The following MEOX2 variants were observed in gnomAD, a reference collection of about 807,000 sequenced individuals.
MEOX2 encodes homeobox protein MOX-2.
In MEOX2, 11 loss-of-function variants were observed where a neutral mutation model predicts 27.0. That is an observed-to-expected ratio of 0.41 (90% CI 0.26 to 0.68). MEOX2 has a LOEUF of 0.68. Ranked by LOEUF, MEOX2 falls within the 30% of genes least tolerant of loss-of-function variation. The pLI, the probability that MEOX2 is intolerant of heterozygous loss-of-function variation, is 0.33. For synonymous variants in MEOX2, 189 were observed against 155.4 expected, an observed-to-expected ratio of 1.22 and a Z score of -1.61; for missense variants, 436 against 385.4, an observed-to-expected ratio of 1.13 and a Z score of -1.10.
chr7:15,663,389 G>T (rs1420494035), intron 1 of MEOX2, among the ~76,000 whole-genome samples: 1 of 151,146 alleles, frequency 6.6e-6, no homozygotes, highest in African/African-American at 2.4e-5. Context: ...CTGGAACGCA[G>T]TGGCACGATC....
intron 2 of MEOX2, among the ~76,000 whole-genome samples, chr7:15,616,622 A>T (rs111706595): frequency 6.6e-6 from 1 of 151,932 alleles, no homozygotes; most frequent in Non-Finnish European, 1.5e-5. Flanking sequence ...AGACAGCTAA[A>T]TTATCATCAT....
chr7:15,663,231 A>G (rs894278505), intron 1 of MEOX2, among the ~76,000 whole-genome samples: 3 of 152,202 alleles, frequency 2.0e-5, no homozygotes, highest in Admixed American at 1.3e-4. Flanking sequence ...TAAATTCATT[A>G]TTGAAAATTA....
Position 15,612,464 on chromosome 7 carries a change from G to T in MEOX2, c.838C>A (p.Leu280Ile). ...SELSGIGAAT[L>I]QQTGDSIANE... Reference sequence around the variant, plus strand: ...GCTATAGAGTCCCCTGTTTGCTGGAGGGTGGCTGCACCAATTCCCGACAGC... The same window carrying T: ...GCTATAGAGTCCCCTGTTTGCTGGATGGTGGCTGCACCAATTCCCGACAGC... The change falls in exon 3 of 3, where the codon CTC becomes ATC. Residue 280 changes from leucine (L) to isoleucine (I), a missense_variant. Transcript: ENST00000262041. 1 of 1,614,128 alleles carries T rather than the reference G, an allele frequency of 6.2e-7. No individual in the cohort carries two copies. The highest frequency in any genetic ancestry group is 8.5e-7 in the Non-Finnish European group (1 of 1,180,026).
intron 1 of MEOX2, among the ~76,000 whole-genome samples, chr7:15,627,828 T>A (rs1041801052): frequency 1.7e-4 from 4 of 23,836 alleles, no homozygotes; most frequent in African/African-American, 6.3e-4. Context: ...CACACACACG[T>A]CAAGTAAAAA....
intron 2 of MEOX2, among the ~76,000 whole-genome samples, chr7:15,615,619 C>T (rs1781111330): frequency 6.6e-6 from 1 of 152,012 alleles, no homozygotes; most frequent in Admixed American, 6.6e-5. Context: ...ATCTATTCCA[C>T]ATGAGTTGGG....
intron 1 of MEOX2, among the ~76,000 whole-genome samples, chr7:15,641,209 G>C (rs1001620935): frequency 3.9e-5 from 6 of 151,988 alleles, no homozygotes; most frequent in African/African-American, 1.5e-4. Flanking sequence ...CTCATTATTT[G>C]TCTGTTCAGA....
At chr7:15,633,112 C>T (rs916640009) in intron 1 of MEOX2, among the ~76,000 whole-genome samples, 1 of 151,916 alleles carries the variant, frequency 6.6e-6, no homozygotes, top group African/African-American at 2.4e-5. Context: ...TGTCACTGTA[C>T]GGATGCTTTC....
At chr7:15,681,244 C>A (rs1486300177) in intron 1 of MEOX2, 1 of 151,678 alleles carries the variant, frequency 6.6e-6, no homozygotes, top group South Asian at 2.1e-4. Flanking sequence ...GAATACAGTT[C>A]AAAACTAAAA....
At chr7:15,668,293 A>C (rs1282273322) in intron 1 of MEOX2, 1 of 152,252 alleles carries the variant, frequency 6.6e-6, no homozygotes, top group Non-Finnish European at 1.5e-5. Context: ...CCGCTTAATG[A>C]ATAGTAAATA....
intron 1 of MEOX2, among the ~76,000 whole-genome samples, chr7:15,658,882 A>G (rs933811577): frequency 1.3e-5 from 2 of 152,224 alleles, no homozygotes; most frequent in Admixed American, 6.5e-5. Context: ...TTTTAAGACA[A>G]CCAGTCTGTA....
At chr7:15,667,514 G>A (rs947444043) in intron 1 of MEOX2, among the ~76,000 whole-genome samples, 1 of 151,936 alleles carries the variant, frequency 6.6e-6, no homozygotes, top group African/African-American at 2.4e-5. Context: ...TCGTCTTAGT[G>A]TACCCAAAGC....
intron 1 of MEOX2, among the ~76,000 whole-genome samples, chr7:15,683,911 C>A (rs918550423): frequency 1.3e-5 from 2 of 152,128 alleles, no homozygotes; most frequent in Non-Finnish European, 2.9e-5. Context: ...CCAGTACCCT[C>A]ATTATCAGCT....
At chr7:15,618,238 T>C (rs1781153935) in intron 2 of MEOX2, among the ~76,000 whole-genome samples, 1 of 152,034 alleles carries the variant, frequency 6.6e-6, no homozygotes, top group African/African-American at 2.4e-5. Flanking sequence ...TTACAGGAGA[T>C]AAAAAATAGA....
At chr7:15,638,073 C>T (rs569491116) in intron 1 of MEOX2, among the ~76,000 whole-genome samples, 2 of 152,092 alleles carry the variant, frequency 1.3e-5, no homozygotes, top group African/African-American at 2.4e-5. Flanking sequence ...TAGTGAAATA[C>T]ACCTTTATTT....
At chr7:15,683,679 G>A (rs943154931) in intron 1 of MEOX2, among the ~76,000 whole-genome samples, 13 of 151,938 alleles carry the variant, frequency 8.6e-5, no homozygotes, top group Admixed American at 5.9e-4. Flanking sequence ...GCTGAAATTG[G>A]CAAATAAAAT....
intron 1 of MEOX2, among the ~76,000 whole-genome samples, chr7:15,648,005 T>G (rs1409213182): frequency 6.6e-6 from 1 of 152,076 alleles, no homozygotes; most frequent in Non-Finnish European, 1.5e-5. Flanking sequence ...TCATTGAAGT[T>G]GGGGAATCTG....
chr7:15,678,347 T>C (rs2115395766), intron 1 of MEOX2, among the ~76,000 whole-genome samples: 1 of 152,308 alleles, frequency 6.6e-6, no homozygotes, highest in East Asian at 1.9e-4. Flanking sequence ...TATGGTTCTT[T>C]AAATGTGAAA....
At chr7:15,654,629 A>C (rs778382069) in intron 1 of MEOX2, among the ~76,000 whole-genome samples, 19 of 151,918 alleles carry the variant, frequency 1.3e-4, no homozygotes, top group East Asian at 7.7e-4. Context: ...AATTTGTCAA[A>C]TATTTCTTCC....
At chr7:15,652,460 CA>C (rs1781746694) in intron 1 of MEOX2, among the ~76,000 whole-genome samples, 1 of 151,884 alleles carries the variant, frequency 6.6e-6, no homozygotes, top group Non-Finnish European at 1.5e-5. Flanking sequence ...ATTTTGAAAG[CA>C]GCAATAACAC....
Sources: gnomAD v4.1 joint callset for allele counts (sites outside exome capture counted in the v4.1 genomes callset) on GRCh38, gnomAD v4.1.1 for gene constraint, MANE v1.5 for transcripts, NCBI Gene and HGNC (gene_info 2026-07-23, HGNC 2026-07-21) for gene names.